The following KIF21B variants were observed in gnomAD, a reference collection of about 807,000 sequenced individuals.
KIF21B encodes kinesin-like protein KIF21B.
Under a neutral mutation model 192.9 loss-of-function variants are expected in KIF21B, and 85 were observed. That is an observed-to-expected ratio of 0.44 (90% CI 0.37 to 0.53). The LOEUF is 0.53. Among genes scored for constraint, KIF21B ranks in the 20% least tolerant of loss-of-function variants. KIF21B has a pLI of 0.00. For missense variants in KIF21B, 1,716 were observed against 2,194.8 expected (o/e 0.78, Z 4.36); for synonymous variants, 832 against 884.6 (o/e 0.94, Z 1.05).
At chr1:201,014,174 T>C (rs1482551588) in intron 1 of KIF21B, among the ~76,000 whole-genome samples, 2 of 151,886 alleles carry the variant, frequency 1.3e-5, no homozygotes, top group Non-Finnish European at 2.9e-5. Context: ...CTGTTCACAA[T>C]TGAGCAGGAG....
chr1:201,007,028 A>G (rs933912379), intron 3 of KIF21B, among the ~76,000 whole-genome samples: 2 of 149,186 alleles, frequency 1.3e-5, no homozygotes, highest in African/African-American at 5.0e-5. Context: ...ACACACACAC[A>G]CACAGACACA....
chr1:200,996,186 C>T lies in KIF21B; in HGVS notation c.2277+10G>A, dbSNP rs764849584. 1.2e-5 allele frequency: 20 copies of T among 1,612,262 alleles called. No individual in the cohort carries two copies. The highest frequency in any genetic ancestry group is 1.6e-5 in the Non-Finnish European group (19 of 1,179,888). ...CTCCAGGCCCCACTCCTCACACCCT[C>T]GGCCCCTACCTTGGCCTTCTTCATC... On this transcript the variant is annotated intron_variant, in intron 15 of 34. Coordinates refer to ENST00000461742, the MANE Select transcript of KIF21B (RefSeq NM_001252102.2).
chr1:201,023,498 TGCGGCG>T lies in KIF21B; in HGVS notation c.-121_-116del. 1.5e-6 allele frequency: 1 copy of T among 685,384 alleles called. No individual in the cohort carries two copies. Among genetic ancestry groups the T allele is most frequent in the Non-Finnish European group, 2.0e-6 (1 of 502,114 alleles). 42.5% of individuals were successfully genotyped at this position (685,384 alleles called of 1,614,324 possible). ...GGGCGCGGGCGCGGCTGGCGGAGGCTGCGGCGGCGGCGGCTGGAGGTGACATGCTCG... is the reference window on the plus strand; with the variant it reads ...GGGCGCGGGCGCGGCTGGCGGAGGCTGCGGCGGCTGGAGGTGACATGCTCG... On this transcript the variant is annotated 5_prime_UTR_variant, in exon 1 of 35. Coordinates refer to ENST00000461742, the MANE Select transcript of KIF21B (RefSeq NM_001252102.2). This position sits in a 1 kb window ranked among gnomAD's most constrained non-coding sequence, Gnocchi z 5.9.
At chr1:200,978,638 C>G (rs1472056358) in intron 30 of KIF21B, among the ~76,000 whole-genome samples, 1 of 152,208 alleles carries the variant, frequency 6.6e-6, no homozygotes, top group East Asian at 1.9e-4. Flanking sequence ...ACCATTACAG[C>G]ATCATACAGA....
At chr1:201,005,215 G>T in intron 5 of KIF21B, 93 bp downstream of exon 5, 1 of 1,462,778 alleles carries the variant, frequency 6.8e-7, no homozygotes, top group Non-Finnish European at 9.1e-7. Flanking sequence ...CCTCAATCTG[G>T]TTTGCTATTT....
rs950116813 is a variant in KIF21B at position 200,990,710 on chromosome 1, T to C, written c.2701A>G (p.Lys901Glu). 6.2e-7 allele frequency: 1 copy of C among 1,613,992 alleles called. No homozygotes were observed. The change falls in exon 19 of 35, where the codon AAG (lysine) becomes GAG (glutamate). Residue 901 changes from lysine (K) to glutamate (E), a missense_variant. Coordinates refer to ENST00000461742, the MANE Select transcript of KIF21B (RefSeq NM_001252102.2). This position sits in a 1 kb window ranked among gnomAD's most constrained non-coding sequence, Gnocchi z 5.4. ...GTRPARKKFQ[K>E]KGASQSFSKA... ...CTGAAGCTCTGGCTGGCCCCCTTCT[T>C]CTGGAACTTCTTTCTGGGAGACATA...
At chr1:200,980,488 G>C (rs930901956) in intron 29 of KIF21B, among the ~76,000 whole-genome samples, 1 of 152,202 alleles carries the variant, frequency 6.6e-6, no homozygotes, top group African/African-American at 2.4e-5. Context: ...CTGGGCTTAA[G>C]CAATTCTCTT....
Position 200,988,951 on chromosome 1 carries a change from C to T in KIF21B, c.3133-20G>A. 1 of 1,595,722 alleles carries T rather than the reference C, an allele frequency of 6.3e-7. No homozygotes were observed. Among genetic ancestry groups the T allele is most frequent in the African/African-American group, 1.3e-5 (1 of 74,576 alleles). On this transcript the variant is annotated intron_variant, in intron 21 of 34. Coordinates refer to ENST00000461742, the MANE Select transcript of KIF21B (RefSeq NM_001252102.2). Reference sequence around the variant, plus strand: ...CAGCCCCTGGGGGCAGGGAACAAAGCCTGGAGTTACCCCTCCTGGGGGTTG... The same window carrying T: ...CAGCCCCTGGGGGCAGGGAACAAAGTCTGGAGTTACCCCTCCTGGGGGTTG...
Position 200,987,143 on chromosome 1 carries a change from G to T in KIF21B, c.3467C>A (p.Pro1156Gln), listed in dbSNP as rs781538004. 4 of 1,613,912 alleles carry T rather than the reference G, an allele frequency of 2.5e-6. No homozygotes were observed. Among genetic ancestry groups the T allele is most frequent in the South Asian group, 1.1e-5 (1 of 91,068 alleles). Residue 1156 changes from proline (P) to glutamine (Q), a missense_variant, in exon 25 of 35, where the codon CCA (proline) becomes CAA (glutamine). Pro to Gln is a moderately conservative substitution (Grantham distance 76). This residue lies in a region of KIF21B where 580 missense variants were observed against 775.5 expected (regional missense o/e 0.75). Transcript: ENST00000461742. The stretch of plus-strand genomic sequence containing the variant: ...GATGTTCTTGGTGGAGATATCCAGT[G>T]GGGGGCCCAGGCACTCAGCCGACAC... The part of the protein sequence containing the change: ...KAVSAECLGP[P>Q]LDISTKNITK...
In KIF21B at chr1:201,003,973, G is replaced by A. The variant is rs76781991; in HGVS notation, c.1017-192C>T. Reference sequence around the variant, plus strand: ...GCCAGGAGTTTTCACTGCAACAGCAGGTAACCATAGTAAAGGCAGCTACCA... The same window carrying A: ...GCCAGGAGTTTTCACTGCAACAGCAAGTAACCATAGTAAAGGCAGCTACCA... On this transcript the variant is annotated intron_variant, in intron 7 of 34. Coordinates refer to ENST00000461742, the MANE Select transcript of KIF21B (RefSeq NM_001252102.2). Among the ~76,000 whole-genome samples, 473 of 152,308 alleles carry A rather than the reference G, an allele frequency of 3.1e-3. 4 individuals are homozygous for A. The highest frequency in any genetic ancestry group is 0.01 in the African/African-American group (434 of 41,564).
In KIF21B at chr1:200,998,360, G is replaced by C. The variant is rs540873612; in HGVS notation, c.2077+24C>G. On this transcript the variant is annotated intron_variant, in intron 14 of 34. Transcript: ENST00000461742. The surrounding 1 kb of genome is among the most constrained non-coding windows in gnomAD (Gnocchi z 4.3). ...GGAAAAGGGAGGGTCCGGATGGGGT[G>C]GAGGGGCATGGCGGTGGCCTCACTG... 92 of 1,597,792 alleles carry C rather than the reference G, an allele frequency of 5.8e-5. No homozygotes were observed. Among genetic ancestry groups the C allele is most frequent in the African/African-American group, 1.2e-4 (9 of 74,770 alleles).
intron 27 of KIF21B, among the ~76,000 whole-genome samples, chr1:200,984,425 G>C (rs1656148915): frequency 6.6e-6 from 1 of 152,222 alleles, no homozygotes; most frequent in African/African-American, 2.4e-5. Flanking sequence ...GAACCTGCCT[G>C]AGGAAGGCAA....
At chr1:201,007,283 CACACAGACACAGAGAT>C (rs1657920245) in intron 3 of KIF21B, among the ~76,000 whole-genome samples, 1 of 138,412 alleles carries the variant, frequency 7.2e-6, no homozygotes, top group Admixed American at 7.0e-5. Context: ...CAGACACCCA[CACACAGACACAGAGAT>C]ACACAGACAC....
At chr1:200,995,403 C>T (rs1275327051) in intron 15 of KIF21B, among the ~76,000 whole-genome samples, 1 of 152,132 alleles carries the variant, frequency 6.6e-6, no homozygotes, top group African/African-American at 2.4e-5. Flanking sequence ...TTGGAAGGTC[C>T]AAGGGGAGGG....
At chr1:200,994,961 A>C (rs1475930090) in intron 15 of KIF21B, among the ~76,000 whole-genome samples, 4 of 152,220 alleles carry the variant, frequency 2.6e-5, no homozygotes, top group African/African-American at 9.6e-5. Context: ...TGGTGCAAAC[A>C]GGGCTCCTTG....
chr1:200,974,252 G>A (rs1655394970), intron 34 of KIF21B: 4 of 1,501,094 alleles, frequency 2.7e-6, no homozygotes, highest in Non-Finnish European at 3.6e-6. Flanking sequence ...GGGAAGGGGA[G>A]GGGAGAGAAG....
rs757288366 is a variant in KIF21B at position 200,975,959 on chromosome 1, G to A, written c.4444-290C>T. ...CAGGGGTGAATCAGCTCATCACGCC[G>A]AGACCCCACAGCTCAACAGGCAGCT... On this transcript the variant is annotated intron_variant, in intron 32 of 34. Transcript: ENST00000461742. The surrounding 1 kb of genome is among the most constrained non-coding windows in gnomAD (Gnocchi z 4.3). 7.2e-5 allele frequency among the ~76,000 whole-genome samples: 11 copies of A among 152,120 alleles called. No homozygotes were observed. Among genetic ancestry groups the A allele is most frequent in the Non-Finnish European group, 1.2e-4 (8 of 68,018 alleles).
chr1:201,019,003 C>T (rs1446808708), intron 1 of KIF21B, among the ~76,000 whole-genome samples: 1 of 152,180 alleles, frequency 6.6e-6, no homozygotes, highest in Non-Finnish European at 1.5e-5. Flanking sequence ...GGTGCGATCT[C>T]AGCTCACTGC....
Position 200,991,650 on chromosome 1 carries a change from AG to A in KIF21B, c.2454+6del, listed in dbSNP as rs752057712. ...CAGGGCCTCGCCAGCCCCTCGAGTG[AG>A]CTCACCTCCTGGGTCTTCCTCCTCA... On this transcript the variant is annotated splice_donor_region_variant and intron_variant, in intron 17 of 34. Coordinates refer to ENST00000461742, the MANE Select transcript of KIF21B (RefSeq NM_001252102.2). The A allele has an allele frequency of 6.2e-7, 1 of 1,613,804 alleles. No individual in the cohort carries two copies. Among genetic ancestry groups the A allele is most frequent in the Non-Finnish European group, 8.5e-7 (1 of 1,179,982 alleles).
Sources: gnomAD v4.1 joint callset for allele counts (sites outside exome capture counted in the v4.1 genomes callset) on GRCh38, gnomAD v4.1.1 for gene constraint, gnomAD v4.1.1 regional missense constraint, Gnocchi (gnomAD v3.1) non-coding constraint, MANE v1.5 for transcripts, NCBI Gene and HGNC (gene_info 2026-07-23, HGNC 2026-07-21) for gene names.